The following GRM5 variants were observed in gnomAD, a reference collection of about 807,000 sequenced individuals.
The protein encoded by GRM5 is glutamate metabotropic receptor 5.
In GRM5, 19 loss-of-function variants were observed where a neutral mutation model predicts 83.1. The observed-to-expected ratio is 0.23, with a 90% confidence interval of 0.16 to 0.34. GRM5 has a LOEUF of 0.34. Ranked by LOEUF, GRM5 falls within the 10% of genes least tolerant of loss-of-function variation. The probability of loss-of-function intolerance (pLI) is 1.00; values close to 1 mark genes in which losing one functional copy is unlikely to be tolerated. For synonymous variants in GRM5, 675 were observed against 633.6 expected, an observed-to-expected ratio of 1.07 and a Z score of -0.98; for missense variants, 1,160 against 1,588.3, an observed-to-expected ratio of 0.73 and a Z score of 4.58.
intron 3 of GRM5, among the ~76,000 whole-genome samples, chr11:88,668,295 T>TCACACACACACA (rs201662394): frequency 1.2e-5 from 1 of 81,666 alleles, no homozygotes; most frequent in Non-Finnish European, 2.2e-5. Flanking sequence ...CCCCAGAAAC[T>TCACACACACACA]CGCACACACA....
chr11:88,557,728 G>A (rs1447476738), intron 8 of GRM5, among the ~76,000 whole-genome samples: 2 of 150,492 alleles, frequency 1.3e-5, no homozygotes, highest in South Asian at 2.1e-4. Flanking sequence ...TGTATTCCAC[G>A]GTTTTCACGT....
At chr11:88,582,463 T>C (rs1943231203) in intron 7 of GRM5, among the ~76,000 whole-genome samples, 1 of 152,208 alleles carries the variant, frequency 6.6e-6, no homozygotes. Flanking sequence ...TTTTGCTGAA[T>C]GAATTAATGA....
At chr11:88,894,992 T>C (rs1945208914) in intron 2 of GRM5, among the ~76,000 whole-genome samples, 1 of 152,030 alleles carries the variant, frequency 6.6e-6, no homozygotes, top group East Asian at 1.9e-4. Context: ...AGCCACCTGG[T>C]GCTATTTTTG....
At chr11:88,723,703 T>C (rs1455751180) in intron 3 of GRM5, among the ~76,000 whole-genome samples, 1 of 151,994 alleles carries the variant, frequency 6.6e-6, no homozygotes, top group Non-Finnish European at 1.5e-5. Flanking sequence ...AACAGCAGTG[T>C]CAACCTTTGT....
intron 3 of GRM5, among the ~76,000 whole-genome samples, chr11:88,674,053 T>A (rs899632788): frequency 6.6e-6 from 1 of 151,864 alleles, no homozygotes; most frequent in African/African-American, 2.4e-5. Context: ...ACATCTCATT[T>A]GTATGCTGGA....
At chr11:88,631,194 T>C (rs1159971913) in intron 4 of GRM5, among the ~76,000 whole-genome samples, 2 of 152,154 alleles carry the variant, frequency 1.3e-5, no homozygotes, top group African/African-American at 4.8e-5. Context: ...AAAGTTAGCT[T>C]TTTATAATAT....
intron 3 of GRM5, among the ~76,000 whole-genome samples, chr11:88,665,786 T>TG (rs970350597): frequency 1.4e-4 from 21 of 148,318 alleles, no homozygotes; most frequent in Non-Finnish European, 8.9e-5. Context: ...CTGAATATTT[T>TG]TTTTTTAATT....
chr11:88,661,425 G>T (rs1246186885), intron 3 of GRM5, among the ~76,000 whole-genome samples: 1 of 151,784 alleles, frequency 6.6e-6, no homozygotes, highest in African/African-American at 2.4e-5. Context: ...TGTTATTAAG[G>T]TTAATGAATG....
intron 8 of GRM5, among the ~76,000 whole-genome samples, chr11:88,562,758 C>T (rs982868455): frequency 6.6e-6 from 1 of 152,004 alleles, no homozygotes; most frequent in Admixed American, 6.6e-5. Flanking sequence ...AAACACCTGA[C>T]ACGCCATTTT....
At chr11:88,944,398 T>C (rs1938208408) in intron 2 of GRM5, among the ~76,000 whole-genome samples, 1 of 151,934 alleles carries the variant, frequency 6.6e-6, no homozygotes, top group Non-Finnish European at 1.5e-5. Flanking sequence ...ATTGAATATA[T>C]TCCAAGTTTA....
At chr11:89,000,682 A>G (rs1408527644) in intron 2 of GRM5, among the ~76,000 whole-genome samples, 7 of 152,160 alleles carry the variant, frequency 4.6e-5, no homozygotes, top group African/African-American at 2.4e-5. Context: ...GATTAATAAA[A>G]GGAAAAAAAT....
At chr11:89,058,930 A>T (rs1354873877) in intron 1 of GRM5, among the ~76,000 whole-genome samples, 1 of 152,174 alleles carries the variant, frequency 6.6e-6, no homozygotes, top group Non-Finnish European at 1.5e-5. Flanking sequence ...ATTTTTAAAC[A>T]AATGATATAA....
chr11:89,012,844 T>C (rs1454057625), intron 2 of GRM5, among the ~76,000 whole-genome samples: 4 of 152,244 alleles, frequency 2.6e-5, no homozygotes, highest in Non-Finnish European at 5.9e-5. Context: ...ACCGTTTGAA[T>C]AGTTTCCTAA....
chr11:88,848,761 T>C (rs1304402831), intron 3 of GRM5, among the ~76,000 whole-genome samples: 6 of 152,192 alleles, frequency 3.9e-5, no homozygotes. Flanking sequence ...CCCAGACATT[T>C]TAACAGACAT....
intron 2 of GRM5, among the ~76,000 whole-genome samples, chr11:88,860,227 C>A (rs1458870509): frequency 2.0e-5 from 3 of 151,994 alleles, no homozygotes; most frequent in Non-Finnish European, 4.4e-5. Flanking sequence ...TTTCCTCTGG[C>A]TATTCTTCCT....
intron 2 of GRM5, among the ~76,000 whole-genome samples, chr11:89,013,651 A>G (rs1940769778): frequency 6.6e-6 from 1 of 152,238 alleles, no homozygotes. Context: ...GTGCAAAAAT[A>G]GTTGTAAACT....
intron 3 of GRM5, among the ~76,000 whole-genome samples, chr11:88,761,566 T>A (rs1228115799): frequency 1.3e-4 from 20 of 151,904 alleles, no homozygotes; most frequent in Admixed American, 1.3e-3. Flanking sequence ...CACAAACAAA[T>A]GAAAAATCAT....
chr11:88,928,327 A>G (rs1260666847), intron 2 of GRM5, among the ~76,000 whole-genome samples: 1 of 152,044 alleles, frequency 6.6e-6, no homozygotes, highest in Non-Finnish European at 1.5e-5. Context: ...TGTGGGCCCC[A>G]GTTACTTCAC....
At chr11:88,710,284 C>T (rs1591456934) in intron 3 of GRM5, among the ~76,000 whole-genome samples, 1 of 152,022 alleles carries the variant, frequency 6.6e-6, no homozygotes, top group African/African-American at 2.4e-5. Context: ...AAAGAAAGGT[C>T]TAGAAAAAAA....
Sources: allele counts gnomAD v4.1 joint callset (sites outside exome capture counted in the v4.1 genomes callset), GRCh38; gene constraint gnomAD v4.1.1; transcripts MANE v1.5; gene names NCBI Gene and HGNC (gene_info 2026-07-23, HGNC 2026-07-21).